SLC25A21: variants seen among roughly 807,000 people sequenced by gnomAD.
SLC25A21 encodes solute carrier family 25 member 21.
Under a neutral mutation model 43.8 loss-of-function variants are expected in SLC25A21, and 47 were observed. That is an observed-to-expected ratio of 1.07 (90% CI 0.85 to 1.37). The LOEUF is 1.37. Ranked by LOEUF, SLC25A21 falls within the 40% of genes most tolerant of loss-of-function variation. The pLI, the probability that SLC25A21 is intolerant of heterozygous loss-of-function variation, is 0.00. For synonymous variants in SLC25A21, 131 were observed against 121.3 expected (o/e 1.08, Z -0.52); for missense variants, 352 against 350.2 (o/e 1.00, Z -0.04).
intron 7 of SLC25A21, among the ~76,000 whole-genome samples, chr14:36,697,735 CTA>C (rs1883092483): frequency 1.3e-5 from 1 of 77,736 alleles, no homozygotes; most frequent in African/African-American, 5.7e-5. Flanking sequence ...ATTGCAAGCC[CTA>C]CTTTTTTTTT....
chr14:37,131,237 G>A (rs1963386577), intron 1 of SLC25A21, among the ~76,000 whole-genome samples: 1 of 152,158 alleles, frequency 6.6e-6, no homozygotes. Context: ...CAGAATCTGT[G>A]GGTTTCTGTG....
chr14:36,832,789 T>G (rs2138483200), intron 2 of SLC25A21, among the ~76,000 whole-genome samples: 1 of 152,310 alleles, frequency 6.6e-6, no homozygotes, highest in South Asian at 2.1e-4. Flanking sequence ...TTGTGAAAAT[T>G]ATCACTTCAA....
chr14:36,773,844 T>C (rs561902827), intron 3 of SLC25A21, among the ~76,000 whole-genome samples: 2 of 152,342 alleles, frequency 1.3e-5, no homozygotes, highest in East Asian at 1.9e-4. Context: ...TCATCCATTA[T>C]AGATACATAC....
intron 5 of SLC25A21, 150 bp from the exon 6 acceptor site, chr14:36,725,827 G>T: frequency 6.2e-6 from 2 of 322,230 alleles, no homozygotes; most frequent in East Asian, 5.0e-5. Context: ...AACAGCTTTA[G>T]TTCTTGATTA....
chr14:36,776,230 C>CTTTTTTTTTTTTTTTTTTTTTTTTT lies in SLC25A21; in HGVS notation c.203+37687_203+37688insAAAAAAAAAAAAAAAAAAAAAAAAA, dbSNP rs1328087696. On this transcript the variant is annotated intron_variant, in intron 3 of 9. Transcript: ENST00000331299. ...ACTGCTTTCTTTTTTCTTTTTCTTT[C>CTTTTTTTTTTTTTTTTTTTTTTTTT]TTTCTTTCTTTTTTTTTTTTTTTTG... Among the ~76,000 whole-genome samples, 37 of 70,810 alleles carry CTTTTTTTTTTTTTTTTTTTTTTTTT rather than the reference C, an allele frequency of 5.2e-4. 4 individuals carry two copies. The highest frequency in any genetic ancestry group is 6.0e-4 in the Non-Finnish European group (24 of 40,128). The allele number at this position is 70,810 out of a possible 152,430, so 46.5% of individuals were successfully genotyped here.
chr14:36,965,664 T>A (rs933808020), intron 1 of SLC25A21, among the ~76,000 whole-genome samples: 2 of 152,198 alleles, frequency 1.3e-5, no homozygotes, highest in African/African-American at 4.8e-5. Flanking sequence ...GAGTTCAATA[T>A]TTCTTGGAGA....
At chr14:36,921,915 T>C (rs1172229505) in intron 1 of SLC25A21, among the ~76,000 whole-genome samples, 1 of 151,788 alleles carries the variant, frequency 6.6e-6, no homozygotes, top group African/African-American at 2.4e-5. Context: ...GAGGCCAAGA[T>C]GAGTGAAACA....
At chr14:37,041,471 A>G (rs540478885) in intron 1 of SLC25A21, among the ~76,000 whole-genome samples, 20 of 151,912 alleles carry the variant, frequency 1.3e-4, no homozygotes, top group Non-Finnish European at 1.5e-5. Context: ...TCTGAGCAAC[A>G]TATCAAGGCC....
chr14:37,001,751 A>C (rs1960494758), intron 1 of SLC25A21, among the ~76,000 whole-genome samples: 1 of 152,198 alleles, frequency 6.6e-6, no homozygotes, highest in Admixed American at 6.5e-5. Context: ...AGGCAAACAT[A>C]CAAACAAATA....
chr14:37,128,714 G>A (rs2138902321), intron 1 of SLC25A21, among the ~76,000 whole-genome samples: 1 of 152,092 alleles, frequency 6.6e-6, no homozygotes, highest in South Asian at 2.1e-4. Flanking sequence ...CAGTCTCCAG[G>A]TAGCTGGGAC....
chr14:36,725,748 T>C (rs985516900), intron 5 of SLC25A21, 71 bp from the exon 6 acceptor site: 2 of 928,488 alleles, frequency 2.2e-6, no homozygotes, highest in South Asian at 2.2e-5. Flanking sequence ...TCCTATTCAT[T>C]ACACTATGCA....
rs531674611 is a variant in SLC25A21 at position 36,737,744 on chromosome 14, T to C, written c.204-3171A>G. 2.0e-4 allele frequency among the ~76,000 whole-genome samples: 31 copies of C among 152,198 alleles called. No homozygotes were observed. The South Asian group carries it at 6.4e-3, about 32-fold the overall frequency. On this transcript the variant is annotated intron_variant, in intron 3 of 9. Transcript: ENST00000331299. ...TGGTGAAAACTGTAACATATAAAAC[T>C]AGGATTTCATTGGCAGCCATGCTTT... is the stretch of plus-strand genomic sequence containing the variant.
chr14:37,137,433 A>C (rs1963501147), intron 1 of SLC25A21, among the ~76,000 whole-genome samples: 1 of 152,220 alleles, frequency 6.6e-6, no homozygotes, highest in Admixed American at 6.5e-5. Context: ...GCAAAAACAC[A>C]ATTATAATTT....
At chr14:37,125,724 C>A (rs1181046779) in intron 1 of SLC25A21, among the ~76,000 whole-genome samples, 1 of 152,158 alleles carries the variant, frequency 6.6e-6, no homozygotes, top group Non-Finnish European at 1.5e-5. Context: ...ATAAGGCAGA[C>A]TCCAAGTCCA....
At chr14:37,062,557 T>C (rs949460678) in intron 1 of SLC25A21, among the ~76,000 whole-genome samples, 3 of 152,052 alleles carry the variant, frequency 2.0e-5, no homozygotes, top group Non-Finnish European at 2.9e-5. Context: ...ACTTGAGAGG[T>C]ATTCAGATGC....
intron 3 of SLC25A21, among the ~76,000 whole-genome samples, chr14:36,757,147 A>G (rs1206635978): frequency 6.6e-6 from 1 of 151,144 alleles, no homozygotes; most frequent in Non-Finnish European, 1.5e-5. Context: ...AGTCCCAGTT[A>G]CTCCAGAGGC....
chr14:37,059,086 A>G (rs1300639842), intron 1 of SLC25A21, among the ~76,000 whole-genome samples: 2 of 152,218 alleles, frequency 1.3e-5, no homozygotes, highest in Non-Finnish European at 2.9e-5. Context: ...AACCATGAAC[A>G]TCTTCAGGGC....
At chr14:37,103,638 C>A (rs1962858310) in intron 1 of SLC25A21, among the ~76,000 whole-genome samples, 1 of 152,182 alleles carries the variant, frequency 6.6e-6, no homozygotes, top group Non-Finnish European at 1.5e-5. Flanking sequence ...GTTCTTTCCA[C>A]TACATTCTTC....
At chr14:36,861,700 A>C (rs563443886) in intron 2 of SLC25A21, among the ~76,000 whole-genome samples, 1 of 152,208 alleles carries the variant, frequency 6.6e-6, no homozygotes, top group African/African-American at 2.4e-5. Context: ...AACATTTTTA[A>C]AACTGTTACA....
Sources: allele counts gnomAD v4.1 joint callset (sites outside exome capture counted in the v4.1 genomes callset), GRCh38; gene constraint gnomAD v4.1.1; transcripts MANE v1.5; gene names NCBI Gene and HGNC (gene_info 2026-07-23, HGNC 2026-07-21).